Variants in ACTN4 observed in about 807,000 individuals in gnomAD.
ACTN4 encodes the protein actinin alpha 4, also known as alpha-actinin-4.
Under a neutral mutation model 114.2 loss-of-function variants are expected in ACTN4, and 18 were observed. The ratio of observed to expected loss-of-function variants is 0.16; its 90% confidence interval spans 0.11 to 0.23. The LOEUF (loss-of-function observed/expected upper bound fraction) is 0.23. Ranked by LOEUF, ACTN4 falls within the 10% of genes least tolerant of loss-of-function variation. The pLI, the probability that ACTN4 is intolerant of heterozygous loss-of-function variation, is 1.00. For missense variants in ACTN4, 722 were observed against 1,262.9 expected (o/e 0.57, Z 6.49); for synonymous variants, 515 against 506.3 (o/e 1.02, Z -0.23).
intron 11 of ACTN4, chr19:38,718,377 A>G (rs1968919141): frequency 2.2e-6 from 1 of 449,420 alleles, no homozygotes; most frequent in African/African-American, 2.0e-5. Flanking sequence ...AAAATTTTAG[A>G]ATAATAAAAT....
At chr19:38,661,877 C>T (rs1217811712) in intron 1 of ACTN4, among the ~76,000 whole-genome samples, 1 of 152,188 alleles carries the variant, frequency 6.6e-6, no homozygotes, top group African/African-American at 2.4e-5. Context: ...TGGTCTTGAT[C>T]TCCTGACCTC....
rs1456414634 is a variant in ACTN4 at position 38,724,082 on chromosome 19, G to C, written c.1692+5G>C. The C allele has an allele frequency of 1.2e-6, 2 of 1,613,542 alleles. No homozygotes were observed. Among genetic ancestry groups the C allele is most frequent in the Non-Finnish European group, 1.7e-6 (2 of 1,179,976 alleles). Reference sequence around the variant, plus strand: ...CATACCATCGAGGAGATTGAGGTTCGCACCCCCCGGCCCCCCATCTTCCCA... The same window carrying C: ...CATACCATCGAGGAGATTGAGGTTCCCACCCCCCGGCCCCCCATCTTCCCA... On this transcript the variant is annotated splice_donor_5th_base_variant and intron_variant, in intron 14 of 20. Transcript: ENST00000252699. This position sits in a 1 kb window ranked among gnomAD's most constrained non-coding sequence, Gnocchi z 7.0.
At chr19:38,683,576 G>A (rs1018104461) in intron 1 of ACTN4, among the ~76,000 whole-genome samples, 1 of 152,222 alleles carries the variant, frequency 6.6e-6, no homozygotes, top group African/African-American at 2.4e-5. Context: ...GACACACAAT[G>A]GCAGTTGGGC....
chr19:38,728,422 C>G, intron 19 of ACTN4: 2 of 903,990 alleles, frequency 2.2e-6, no homozygotes, highest in African/African-American at 3.2e-5. Flanking sequence ...TCCTCCTCCT[C>G]CTCCTCCTCC....
chr19:38,653,523 G>A (rs369258252), intron 1 of ACTN4, among the ~76,000 whole-genome samples: 1 of 151,814 alleles, frequency 6.6e-6, no homozygotes, highest in East Asian at 1.9e-4. Context: ...TCACTTGCTC[G>A]TTCAGGTTTT....
At chr19:38,655,895 C>T (rs146689855) in intron 1 of ACTN4, among the ~76,000 whole-genome samples, 165 of 152,266 alleles carry the variant, frequency 1.1e-3, no homozygotes, top group Non-Finnish European at 1.7e-3. Context: ...CTAAATGCTA[C>T]GTAAATGGTT....
intron 8 of ACTN4, among the ~76,000 whole-genome samples, chr19:38,713,459 A>G (rs1449311320): frequency 1.3e-5 from 2 of 152,106 alleles, no homozygotes; most frequent in Non-Finnish European, 2.9e-5. Context: ...CCTGGGGCCC[A>G]TGTTCATTGG....
At chr19:38,710,204 G>A (rs991911032) in intron 7 of ACTN4, 53 bp from the exon 8 acceptor site, 8 of 1,596,956 alleles carry the variant, frequency 5.0e-6, no homozygotes, top group Middle Eastern at 3.3e-4. Context: ...AGTGAGTGAC[G>A]CCTCCACCCC....
At chr19:38,714,359 CCT>C in intron 8 of ACTN4, 108 bp from the exon 9 acceptor site, 2 of 968,092 alleles carry the variant, frequency 2.1e-6, no homozygotes, top group South Asian at 1.4e-5. Flanking sequence ...CTCTCCTTCC[CCT>C]CTGTGAGGAG....
At position 38,673,649 on chromosome 19, in the gene ACTN4, A is replaced by ATATATTCATT. The variant is rs1568690351; in HGVS notation, c.162+25748_162+25749insCATTTATATT. ...TATTCATATATATTTATATATATTT[A>ATATATTCATT]TATATTTATATATATTATATATATT... On this transcript the variant is annotated intron_variant, in intron 1 of 20. Coordinates refer to ENST00000252699, the MANE Select transcript of ACTN4 (RefSeq NM_004924.6). Among the ~76,000 whole-genome samples, 40 of 51,518 alleles carry ATATATTCATT rather than the reference A, an allele frequency of 7.8e-4. 7 individuals are homozygous for ATATATTCATT. The highest frequency in any genetic ancestry group is 1.3e-3 in the African/African-American group (19 of 14,838). The allele number at this position is 51,518 out of a possible 152,430, so 33.8% of individuals were successfully genotyped here.
At chr19:38,685,010 A>G (rs894610242) in intron 1 of ACTN4, among the ~76,000 whole-genome samples, 2 of 152,100 alleles carry the variant, frequency 1.3e-5, no homozygotes, top group African/African-American at 4.8e-5. Flanking sequence ...CAGTGGCGTG[A>G]TCTCAGCTCA....
At chr19:38,688,942 G>A (rs1315285574) in intron 1 of ACTN4, among the ~76,000 whole-genome samples, 1 of 152,278 alleles carries the variant, frequency 6.6e-6, no homozygotes, top group South Asian at 2.1e-4. Context: ...TAGAGACGGG[G>A]TTTCACCATG....
intron 3 of ACTN4, among the ~76,000 whole-genome samples, chr19:38,703,405 A>AT (rs11452623): frequency 0.056 from 8,451 of 151,846 alleles, 247 homozygotes; most frequent in South Asian, 0.096. Flanking sequence ...CGCCAGGCTA[A>AT]TTTTGTGTTT....
chr19:38,700,583 T>C lies in ACTN4; in HGVS notation c.163-17T>C. 1 of 1,604,412 alleles carries C rather than the reference T, an allele frequency of 6.2e-7. No homozygotes were observed. Among genetic ancestry groups the C allele is most frequent in the Non-Finnish European group, 8.5e-7 (1 of 1,171,194 alleles). ...CCAGGCTGACTCTGCGCACTGTCCT[T>C]TGTTCTGCTTCCCCAGACCTTCACG... On this transcript the variant is annotated splice_polypyrimidine_tract_variant and intron_variant, in intron 1 of 20. Transcript: ENST00000252699.
At chr19:38,686,098 C>T (rs1278510819) in intron 1 of ACTN4, among the ~76,000 whole-genome samples, 1 of 152,142 alleles carries the variant, frequency 6.6e-6, no homozygotes, top group Non-Finnish European at 1.5e-5. Context: ...CTGGGGAATT[C>T]CCGGGGTCCC....
At chr19:38,689,863 C>T (rs1385174298) in intron 1 of ACTN4, among the ~76,000 whole-genome samples, 5 of 151,964 alleles carry the variant, frequency 3.3e-5, no homozygotes, top group South Asian at 2.1e-4. Flanking sequence ...TAGTTAGAGA[C>T]GAGGTTTCAC....
chr19:38,728,910 T>C, intron 19 of ACTN4, 86 bp from the exon 20 acceptor site: 2 of 1,564,006 alleles, frequency 1.3e-6, no homozygotes, highest in Non-Finnish European at 1.8e-6. Flanking sequence ...CTCTCGGCTG[T>C]TTCCCTGGAG....
intron 3 of ACTN4, among the ~76,000 whole-genome samples, chr19:38,704,375 C>T (rs61296025): frequency 0.048 from 7,274 of 152,246 alleles, 271 homozygotes; most frequent in African/African-American, 0.093. Context: ...AGGAGGCAGC[C>T]GCATTGAGCT....
At position 38,717,857 on chromosome 19, in the gene ACTN4, C is replaced by G; in HGVS notation, c.1144-70C>G. The G allele has an allele frequency of 6.5e-7, 1 of 1,545,728 alleles. No homozygotes were observed. Among genetic ancestry groups the G allele is most frequent in the Non-Finnish European group, 8.7e-7 (1 of 1,143,384 alleles). On this transcript the variant is annotated intron_variant, in intron 10 of 20. Transcript: ENST00000252699. This position sits in a 1 kb window ranked among gnomAD's most constrained non-coding sequence, Gnocchi z 4.0. Reference sequence around the variant, plus strand: ...AGTTCTGCCACCTTCCCATCAGCATCCCTTGGAGACATCCCCCTGGGTGCC... The same window carrying G: ...AGTTCTGCCACCTTCCCATCAGCATGCCTTGGAGACATCCCCCTGGGTGCC...
Sources: allele counts gnomAD v4.1 joint callset (sites outside exome capture counted in the v4.1 genomes callset), GRCh38; gene constraint gnomAD v4.1.1; non-coding constraint Gnocchi (gnomAD v3.1); transcripts MANE v1.5; gene names NCBI Gene and HGNC (gene_info 2026-07-23, HGNC 2026-07-21).